WDR7: variants seen among roughly 807,000 people sequenced by gnomAD.
WDR7 encodes the protein WD repeat-containing protein 7.
Under a neutral mutation model 169.4 loss-of-function variants are expected in WDR7, and 46 were observed. The observed-to-expected ratio is 0.27, with a 90% CI of 0.21 to 0.35. WDR7 has a LOEUF of 0.35. Ranked by LOEUF, WDR7 falls within the 10% of genes least tolerant of loss-of-function variation. The pLI is 1.00. For synonymous variants in WDR7, 612 were observed against 666.8 expected (o/e 0.92, Z 1.27); for missense variants, 1,534 against 1,859.3 (o/e 0.83, Z 3.22).
intron 20 of WDR7, among the ~76,000 whole-genome samples, chr18:56,860,648 T>C (rs945171579): frequency 1.3e-5 from 2 of 152,214 alleles, no homozygotes; most frequent in Non-Finnish European, 1.5e-5. Context: ...TTTAGGAATA[T>C]AATAATCCTT....
chr18:56,980,580 CATT>C (rs2047629070), intron 26 of WDR7, among the ~76,000 whole-genome samples: 1 of 151,926 alleles, frequency 6.6e-6, no homozygotes, highest in Non-Finnish European at 1.5e-5. Context: ...TAAAGAAACA[CATT>C]ATTACATTTT....
downstream of WDR7, chr18:57,030,563 A>G (rs145905806): frequency 2.3e-4 from 35 of 152,346 alleles, no homozygotes; most frequent in African/African-American, 7.9e-4. Context: ...ATAGGAAGGT[A>G]AAGCCAAGCA....
chr18:56,775,201 A>G (rs2044222507), intron 16 of WDR7, among the ~76,000 whole-genome samples: 1 of 152,058 alleles, frequency 6.6e-6, no homozygotes, highest in Admixed American at 6.6e-5. Context: ...TAAGAGTAAA[A>G]CCATGCAAAA....
chr18:56,827,868 AAC>A (rs2045236529), intron 20 of WDR7, among the ~76,000 whole-genome samples: 1 of 152,184 alleles, frequency 6.6e-6, no homozygotes, highest in African/African-American at 2.4e-5. Flanking sequence ...ATTTAAAAAA[AAC>A]AGCAAAAAAC....
At chr18:56,661,169 A>T (rs971297955) in intron 1 of WDR7, among the ~76,000 whole-genome samples, 2 of 152,128 alleles carry the variant, frequency 1.3e-5, no homozygotes, top group African/African-American at 4.8e-5. Context: ...TTTGATGGCA[A>T]CCTAAGGGAA....
At chr18:56,737,470 C>T (rs2026725494) in intron 14 of WDR7, among the ~76,000 whole-genome samples, 1 of 152,040 alleles carries the variant, frequency 6.6e-6, no homozygotes, top group South Asian at 2.1e-4. Context: ...ATCAGAATCA[C>T]CTTATTTATA....
intron 19 of WDR7, among the ~76,000 whole-genome samples, chr18:56,789,036 A>T (rs75607016): frequency 0.026 from 4,015 of 152,256 alleles, 72 homozygotes; most frequent in African/African-American, 0.051. Flanking sequence ...TCTTCCAGAG[A>T]GTCAGAGCTA....
intron 26 of WDR7, among the ~76,000 whole-genome samples, chr18:57,004,519 G>T (rs2048028118): frequency 6.6e-6 from 1 of 152,080 alleles, no homozygotes; most frequent in Non-Finnish European, 1.5e-5. Context: ...GTTTAAAGGT[G>T]TGCAGAGTTC....
At chr18:56,892,315 T>G (rs1285308716) in intron 21 of WDR7, among the ~76,000 whole-genome samples, 9 of 152,170 alleles carry the variant, frequency 5.9e-5, no homozygotes, top group Non-Finnish European at 1.0e-4. Flanking sequence ...CCAGTTGTTC[T>G]GTCTGCTTTT....
chr18:57,025,331 A>G (rs1188390468), intron 27 of WDR7, among the ~76,000 whole-genome samples: 1 of 152,240 alleles, frequency 6.6e-6, no homozygotes, highest in African/African-American at 2.4e-5. Context: ...GTTAACCAGC[A>G]ATCTTCTGTG....
chr18:56,960,382 G>A (rs1186450794), intron 25 of WDR7, among the ~76,000 whole-genome samples: 7 of 152,116 alleles, frequency 4.6e-5, no homozygotes, highest in Non-Finnish European at 1.5e-5. Flanking sequence ...TTTGAAGAGG[G>A]TTATTTTGGG....
intron 20 of WDR7, among the ~76,000 whole-genome samples, chr18:56,833,142 A>C (rs546793816): frequency 2.6e-5 from 4 of 151,954 alleles, no homozygotes; most frequent in African/African-American, 9.6e-5. Flanking sequence ...AGAAGAACAT[A>C]AACGACCTGA....
intron 25 of WDR7, among the ~76,000 whole-genome samples, chr18:56,951,371 C>T (rs2047179949): frequency 6.6e-6 from 1 of 152,138 alleles, no homozygotes; most frequent in South Asian, 2.1e-4. Flanking sequence ...AGCCAGGGCG[C>T]ACACTCCCGT....
intron 20 of WDR7, among the ~76,000 whole-genome samples, chr18:56,819,868 T>A (rs1169541783): frequency 6.6e-6 from 1 of 152,154 alleles, no homozygotes; most frequent in Non-Finnish European, 1.5e-5. Flanking sequence ...TATGTATACT[T>A]TTATTTCCAG....
chr18:57,029,987 C>G (rs2048425019), downstream of WDR7: 2 of 152,174 alleles, frequency 1.3e-5, no homozygotes, highest in South Asian at 4.1e-4. Context: ...CAGAAACTCA[C>G]TGGCACTCTC....
intron 25 of WDR7, among the ~76,000 whole-genome samples, chr18:56,959,346 T>C (rs771027963): frequency 6.6e-6 from 1 of 152,172 alleles, no homozygotes; most frequent in Non-Finnish European, 1.5e-5. Flanking sequence ...GATGAAAGCA[T>C]GGAGATCAGT....
Position 56,731,484 on chromosome 18 carries a change from G to A in WDR7, c.1876G>A (p.Val626Ile), listed in dbSNP as rs1183486891. Residue 626 changes from valine (V) to isoleucine (I), a missense_variant, in exon 14 of 28, where the codon GTC (valine) becomes ATC (isoleucine). Val to Ile is a conservative substitution (Grantham distance 29). Coordinates refer to ENST00000254442, the MANE Select transcript of WDR7 (RefSeq NM_015285.3). ...AAVDSLSHPA[V>I]NLKQAMTRRS... The stretch of plus-strand genomic sequence containing the variant: ...TGTTGATTCACTTAGTCATCCAGCA[G>A]TCAACCTAAAACAAGCTATGACGAG... 6.2e-7 allele frequency: 1 copy of A among 1,614,134 alleles called. No individual in the cohort carries two copies. The highest frequency in any genetic ancestry group is 8.5e-7 in the Non-Finnish European group (1 of 1,180,020).
chr18:56,758,757 T>C (rs1185981830), intron 15 of WDR7, 108 bp from the exon 16 acceptor site: 2 of 762,338 alleles, frequency 2.6e-6, no homozygotes, highest in Admixed American at 3.4e-5. Flanking sequence ...ATGTTCTATA[T>C]ATGTTTCTTT....
At chr18:56,719,652 C>G (rs544467523) in intron 13 of WDR7, among the ~76,000 whole-genome samples, 220 of 151,166 alleles carry the variant, frequency 1.5e-3, no homozygotes, top group Non-Finnish European at 2.5e-3. Flanking sequence ...GTCCTATCTG[C>G]TGAATAGCAG....
Sources: allele counts gnomAD v4.1 joint callset (sites outside exome capture counted in the v4.1 genomes callset), GRCh38; gene constraint gnomAD v4.1.1; transcripts MANE v1.5; gene names NCBI Gene and HGNC (gene_info 2026-07-23, HGNC 2026-07-21).